Variants in PDE4D observed in about 807,000 individuals in gnomAD.
PDE4D encodes the protein 3',5'-cyclic-AMP phosphodiesterase 4D.
Under a neutral mutation model 87.4 loss-of-function variants are expected in PDE4D, and 24 were observed. That is an observed-to-expected ratio of 0.27 (90% CI 0.20 to 0.39). The LOEUF (loss-of-function observed/expected upper bound fraction) is 0.39. Ranked by LOEUF, PDE4D falls within the 10% of genes least tolerant of loss-of-function variation. The pLI is 1.00. For missense variants in PDE4D, 714 were observed against 1,041.0 expected, an observed-to-expected ratio of 0.69 and a Z score of 4.32; for synonymous variants, 384 against 383.2, an observed-to-expected ratio of 1.00 and a Z score of -0.02.
At chr5:59,877,856 G>A (rs529678858) in intron 1 of PDE4D, among the ~76,000 whole-genome samples, 62 of 152,028 alleles carry the variant, frequency 4.1e-4, no homozygotes, top group African/African-American at 1.4e-3. Flanking sequence ...GTTTCCAAAA[G>A]GTTTTAAAGA....
At chr5:60,271,273 A>T (rs919636097) in intron 1 of PDE4D, among the ~76,000 whole-genome samples, 59 of 152,238 alleles carry the variant, frequency 3.9e-4, no homozygotes, top group Admixed American at 1.4e-3. Flanking sequence ...CTGTGGTTGG[A>T]CACCTGTGTT....
At chr5:60,496,421 T>C (rs985173260) in intron 1 of PDE4D, among the ~76,000 whole-genome samples, 39 of 152,320 alleles carry the variant, frequency 2.6e-4, no homozygotes, top group African/African-American at 9.1e-4. Flanking sequence ...ATATGGTCTT[T>C]TTCTGACACA....
At chr5:59,781,873 C>G (rs999289010) in intron 1 of PDE4D, among the ~76,000 whole-genome samples, 5 of 146,512 alleles carry the variant, frequency 3.4e-5, no homozygotes, top group Non-Finnish European at 7.5e-5. Flanking sequence ...AATACCTGGA[C>G]TAAAGCTGAT....
intron 5 of PDE4D, chr5:59,166,569 A>T (rs1781954203): frequency 6.6e-6 from 1 of 152,218 alleles, no homozygotes; most frequent in Admixed American, 6.5e-5. Flanking sequence ...AAATGTGTTT[A>T]TATGCTTATT....
chr5:59,127,614 C>T (rs1461583014), intron 5 of PDE4D, among the ~76,000 whole-genome samples: 1 of 103,242 alleles, frequency 9.7e-6, no homozygotes, highest in Non-Finnish European at 2.4e-5. Flanking sequence ...CACCCCCCCA[C>T]CCCCCACCTC....
At chr5:59,953,065 A>G (rs1227056395) in intron 3 of PDE4D, among the ~76,000 whole-genome samples, 2 of 152,070 alleles carry the variant, frequency 1.3e-5, no homozygotes, top group African/African-American at 2.4e-5. Context: ...CTTATCTTCT[A>G]CTTGGAGGAA....
chr5:60,324,818 T>C (rs1437749473), intron 1 of PDE4D, among the ~76,000 whole-genome samples: 1 of 152,236 alleles, frequency 6.6e-6, no homozygotes, highest in African/African-American at 2.4e-5. Flanking sequence ...GTGAACCTCA[T>C]ATGGTTTCAC....
At chr5:59,299,955 C>CAA (rs1370841862) in intron 1 of PDE4D, among the ~76,000 whole-genome samples, 1 of 151,742 alleles carries the variant, frequency 6.6e-6, no homozygotes, top group Non-Finnish European at 1.5e-5. Flanking sequence ...ACAAAAAATA[C>CAA]AAAAAAATTA....
At chr5:60,314,317 C>A (rs531191668) in intron 1 of PDE4D, among the ~76,000 whole-genome samples, 11 of 151,982 alleles carry the variant, frequency 7.2e-5, no homozygotes, top group Admixed American at 2.6e-4. Context: ...CAGGAACATG[C>A]TGCCATGCCC....
chr5:59,877,499 A>AGG (rs1748778926), intron 1 of PDE4D, among the ~76,000 whole-genome samples: 1 of 102,750 alleles, frequency 9.7e-6, no homozygotes, highest in African/African-American at 3.0e-5. Context: ...AAAAAAAAAA[A>AGG]AGAAGAAGAA....
At chr5:60,459,441 C>T (rs1191867630) in intron 1 of PDE4D, among the ~76,000 whole-genome samples, 1 of 151,946 alleles carries the variant, frequency 6.6e-6, no homozygotes, top group Non-Finnish European at 1.5e-5. Context: ...TTGGTAAATG[C>T]TAACTGTCCA....
chr5:60,185,788 C>T (rs1270143628), intron 1 of PDE4D: 5 of 468,252 alleles, frequency 1.1e-5, no homozygotes, highest in Admixed American at 3.5e-5. Flanking sequence ...AATAATTCAT[C>T]GGAACAGGCT....
At chr5:59,200,191 A>G (rs1472204503) in intron 2 of PDE4D, among the ~76,000 whole-genome samples, 1 of 140,776 alleles carries the variant, frequency 7.1e-6, no homozygotes, top group African/African-American at 2.5e-5. Context: ...ATATGTATAC[A>G]TACACGTGTA....
chr5:60,193,669 C>CAAAAAAAAAAA (rs35340734), intron 1 of PDE4D, among the ~76,000 whole-genome samples: 25 of 46,674 alleles, frequency 5.4e-4, no homozygotes, highest in Non-Finnish European at 6.2e-4. Context: ...GACTCCGTCT[C>CAAAAAAAAAAA]AAAAAAAAAA....
intron 5 of PDE4D, among the ~76,000 whole-genome samples, chr5:59,052,555 G>A (rs892399694): frequency 2.0e-5 from 3 of 152,164 alleles, no homozygotes; most frequent in African/African-American, 7.2e-5. Flanking sequence ...CAGATGCAGT[G>A]GAAAGCAAAG....
At chr5:59,837,893 T>C (rs1413707529) in intron 1 of PDE4D, among the ~76,000 whole-genome samples, 4 of 152,108 alleles carry the variant, frequency 2.6e-5, no homozygotes, top group Non-Finnish European at 5.9e-5. Flanking sequence ...CCACAGCTTA[T>C]CAGTTGTATG....
chr5:60,400,729 C>T (rs534172140), intron 1 of PDE4D, among the ~76,000 whole-genome samples: 2 of 151,606 alleles, frequency 1.3e-5, no homozygotes, highest in South Asian at 4.2e-4. Flanking sequence ...GTCAGGAGTT[C>T]AAGACCAGGC....
chr5:60,250,891 G>C (rs76821248), intron 1 of PDE4D, among the ~76,000 whole-genome samples: 1,939 of 152,018 alleles, frequency 0.013, 59 homozygotes, highest in East Asian at 0.12. Flanking sequence ...GCAGCTCCTT[G>C]CATGTTATTG....
chr5:60,082,833 C>A (rs900834558), intron 2 of PDE4D, among the ~76,000 whole-genome samples: 2 of 152,118 alleles, frequency 1.3e-5, no homozygotes, highest in Non-Finnish European at 2.9e-5. Context: ...CCCATCAGTT[C>A]CTCAGTTCCT....
Sources: gnomAD v4.1 joint callset for allele counts (sites outside exome capture counted in the v4.1 genomes callset) on GRCh38, gnomAD v4.1.1 for gene constraint, MANE v1.5 for transcripts, NCBI Gene and HGNC (gene_info 2026-07-23, HGNC 2026-07-21) for gene names.